The following GRAMD1C variants were observed in gnomAD, a reference collection of about 807,000 sequenced individuals.
The protein encoded by GRAMD1C is GRAM domain containing 1C.
A neutral mutation model predicts 97.8 loss-of-function variants in GRAMD1C; 89 were observed. That is an observed-to-expected ratio of 0.91 (90% CI 0.77 to 1.09). The LOEUF is 1.09. GRAMD1C is among the 50% of genes least tolerant of loss of function. The probability of loss-of-function intolerance (pLI) is 0.00; values close to 1 mark genes in which losing one functional copy is unlikely to be tolerated. For missense variants in GRAMD1C, 740 were observed against 766.4 expected (o/e 0.97, Z 0.41); for synonymous variants, 256 against 267.0 (o/e 0.96, Z 0.40).
intron 1 of GRAMD1C, among the ~76,000 whole-genome samples, chr3:113,842,478 A>G (rs1271836391): frequency 6.6e-6 from 1 of 151,922 alleles, no homozygotes; most frequent in Non-Finnish European, 1.5e-5. Flanking sequence ...TTGCTGTTGT[A>G]TGTTTCCTCC....
At chr3:113,868,249 G>T (rs1294501024) in intron 2 of GRAMD1C, among the ~76,000 whole-genome samples, 2 of 151,958 alleles carry the variant, frequency 1.3e-5, no homozygotes, top group Non-Finnish European at 2.9e-5. Context: ...TAACTGATTT[G>T]ATATCTTTGT....
chr3:113,847,671 G>A (rs1933673188), intron 2 of GRAMD1C, among the ~76,000 whole-genome samples: 1 of 152,222 alleles, frequency 6.6e-6, no homozygotes, highest in Admixed American at 6.5e-5. Context: ...GGAATTCACT[G>A]AGGGGTCTAA....
chr3:113,893,046 G>T (rs1213091864), intron 6 of GRAMD1C, among the ~76,000 whole-genome samples: 1 of 152,250 alleles, frequency 6.6e-6, no homozygotes, highest in East Asian at 1.9e-4. Flanking sequence ...TTGGAACACA[G>T]CCATGCTCAT....
intron 5 of GRAMD1C, among the ~76,000 whole-genome samples, chr3:113,879,164 C>A (rs72954606): frequency 0.048 from 7,304 of 151,490 alleles, 320 homozygotes; most frequent in African/African-American, 0.11. Context: ...GAGACCGCGC[C>A]ACTGCACTCC....
In GRAMD1C at chr3:113,844,502, G is replaced by A. The variant is rs1297898935; in HGVS notation, c.28-1G>A. The A allele has an allele frequency of 6.3e-7, 1 of 1,591,094 alleles. No individual in the cohort carries two copies. Among genetic ancestry groups the A allele is most frequent in the Non-Finnish European group, 8.6e-7 (1 of 1,164,850 alleles). ...TGACTTAGTTTGATATTTGTTTCCA[G>A]GTGATGAATGAAGGGGATTCAAGCC... On this transcript the variant is annotated splice_acceptor_variant, in intron 1 of 17. Coordinates refer to ENST00000358160, the MANE Select transcript of GRAMD1C (RefSeq NM_017577.5). LOFTEE classifies it high-confidence loss of function.
chr3:113,932,797 C>T (rs369987874), intron 11 of GRAMD1C, among the ~76,000 whole-genome samples: 1 of 152,116 alleles, frequency 6.6e-6, no homozygotes, highest in Admixed American at 6.5e-5. Context: ...CCTCAAACTC[C>T]TGGGCTCAAA....
At chr3:113,874,108 A>G (rs893006604) in intron 3 of GRAMD1C, among the ~76,000 whole-genome samples, 2 of 152,226 alleles carry the variant, frequency 1.3e-5, no homozygotes, top group Non-Finnish European at 2.9e-5. Flanking sequence ...GACATTTAAC[A>G]TGACTAAGTG....
intron 6 of GRAMD1C, among the ~76,000 whole-genome samples, chr3:113,899,011 T>C (rs922979214): frequency 1.1e-4 from 17 of 151,970 alleles, no homozygotes; most frequent in African/African-American, 4.1e-4. Context: ...AAAGATGCCA[T>C]AGTTACTAGA....
At chr3:113,933,205 T>A (rs893391903) in intron 11 of GRAMD1C, among the ~76,000 whole-genome samples, 58 of 151,412 alleles carry the variant, frequency 3.8e-4, no homozygotes, top group Non-Finnish European at 5.4e-4. Flanking sequence ...TTAAAAAAAA[T>A]TTTTTTTGTA....
At chr3:113,883,236 T>C (rs1935327192) in intron 6 of GRAMD1C, among the ~76,000 whole-genome samples, 1 of 152,082 alleles carries the variant, frequency 6.6e-6, no homozygotes, top group Non-Finnish European at 1.5e-5. Context: ...AAAAAATACA[T>C]GAACCAAGCC....
At chr3:113,922,569 G>T (rs541507402) in intron 10 of GRAMD1C, among the ~76,000 whole-genome samples, 2 of 151,984 alleles carry the variant, frequency 1.3e-5, no homozygotes, top group African/African-American at 4.8e-5. Context: ...CAACTTTGTC[G>T]AAGACCAGAT....
intron 3 of GRAMD1C, among the ~76,000 whole-genome samples, chr3:113,874,463 C>T (rs1044505911): frequency 6.6e-6 from 1 of 152,024 alleles, no homozygotes. Context: ...ATTCTCCCAC[C>T]TCAGCCTCCT....
chr3:113,842,066 A>G (rs1017490707), intron 1 of GRAMD1C, among the ~76,000 whole-genome samples: 2 of 152,192 alleles, frequency 1.3e-5, no homozygotes, highest in African/African-American at 2.4e-5. Flanking sequence ...GTTTATTACT[A>G]ATTGTGTCAG....
At chr3:113,864,705 C>T (rs368460029) in intron 2 of GRAMD1C, among the ~76,000 whole-genome samples, 3 of 152,162 alleles carry the variant, frequency 2.0e-5, no homozygotes, top group Non-Finnish European at 4.4e-5. Flanking sequence ...CACATTTCTA[C>T]GGACGTTCTG....
chr3:113,905,698 CTT>C (rs569942384), intron 8 of GRAMD1C, among the ~76,000 whole-genome samples: 13 of 144,858 alleles, frequency 9.0e-5, no homozygotes, highest in Non-Finnish European at 1.4e-4. Flanking sequence ...GGTCTCATAA[CTT>C]TTTTTTTTTT....
intron 6 of GRAMD1C, among the ~76,000 whole-genome samples, chr3:113,886,194 G>A (rs556917170): frequency 6.6e-6 from 1 of 152,294 alleles, no homozygotes; most frequent in African/African-American, 2.4e-5. Flanking sequence ...TCCACTTGGA[G>A]TCTGGATGGA....
chr3:113,924,527 T>G (rs1937167288), intron 10 of GRAMD1C, among the ~76,000 whole-genome samples: 1 of 152,226 alleles, frequency 6.6e-6, no homozygotes. Context: ...CATTGTTTAC[T>G]CAGAAGTCAT....
chr3:113,876,048 C>G, intron 4 of GRAMD1C, 117 bp from the exon 5 acceptor site: 1 of 608,368 alleles, frequency 1.6e-6, no homozygotes, highest in Non-Finnish European at 2.9e-6. Flanking sequence ...AGTCGAAAAA[C>G]CTGAAGAATA....
At chr3:113,943,948 T>C (rs891532265) in intron 17 of GRAMD1C, among the ~76,000 whole-genome samples, 1 of 152,076 alleles carries the variant, frequency 6.6e-6, no homozygotes, top group African/African-American at 2.4e-5. Context: ...TAAAAATATC[T>C]CCTCTGCCTG....
Sources: gnomAD v4.1 joint callset for allele counts (sites outside exome capture counted in the v4.1 genomes callset) on GRCh38, gnomAD v4.1.1 for gene constraint, MANE v1.5 for transcripts, NCBI Gene and HGNC (gene_info 2026-07-23, HGNC 2026-07-21) for gene names.